The following CRLS1 variants were observed in gnomAD, a reference collection of about 807,000 sequenced individuals.
The protein encoded by CRLS1 is cardiolipin synthase 1.
A neutral mutation model predicts 37.0 loss-of-function variants in CRLS1; 24 were observed. That is an observed-to-expected ratio of 0.65 (90% CI 0.47 to 0.91). The LOEUF is 0.91. Ranked by LOEUF, CRLS1 falls within the 40% of genes least tolerant of loss-of-function variation. The pLI is 0.00. For synonymous variants in CRLS1, 135 were observed against 159.7 expected (o/e 0.85, Z 1.17); for missense variants, 373 against 395.8 (o/e 0.94, Z 0.49).
intron 5 of CRLS1, among the ~76,000 whole-genome samples, chr20:6,033,906 A>G (rs957911907): frequency 6.6e-6 from 1 of 152,150 alleles, no homozygotes; most frequent in African/African-American, 2.4e-5. Context: ...TCAGCCTCCC[A>G]AAGTGTTGGG....
At chr20:6,016,128 C>T (rs1978726774) in intron 3 of CRLS1, 1 of 152,688 alleles carries the variant, frequency 6.5e-6, no homozygotes, top group Non-Finnish European at 1.5e-5. Context: ...TATCTGATCA[C>T]ACTGGGACTT....
At position 6,037,159 on chromosome 20, in the gene CRLS1, T is replaced by C. The variant is rs1600396440; in HGVS notation, c.*1T>C. ...GACTGTTCAGGTGATAAAAGACTGA[T>C]GAAAGTCATCCCTCACTGTTAGTAA... is the stretch of plus-strand genomic sequence containing the variant. On this transcript the variant is annotated 3_prime_UTR_variant, in exon 7 of 7. Transcript: ENST00000378863. 1 of 1,608,038 alleles carries C rather than the reference T, an allele frequency of 6.2e-7. No homozygotes were observed. The highest frequency in any genetic ancestry group is 1.3e-5 in the African/African-American group (1 of 74,946).
chr20:6,007,365 C>G (rs544528749), intron 1 of CRLS1: 1 of 1,613,258 alleles, frequency 6.2e-7, no homozygotes, highest in Non-Finnish European at 8.5e-7. Context: ...CATATCCTGA[C>G]TGAAGTCCTT....
At chr20:6,006,016 C>T (rs573796569), upstream of CRLS1, 188 of 343,424 alleles carry the variant, frequency 5.5e-4, no homozygotes, top group Admixed American at 2.8e-3. Flanking sequence ...GTGCCAGGGG[C>T]GCCGGGAAGC....
At chr20:6,015,832 C>T in intron 3 of CRLS1, 1 of 280,756 alleles carries the variant, frequency 3.6e-6, no homozygotes, top group Non-Finnish European at 7.0e-6. Flanking sequence ...ATTTAGTTTT[C>T]CTACGTTTAT....
chr20:6,009,339 A>G (rs2090101739), intron 1 of CRLS1, among the ~76,000 whole-genome samples: 1 of 139,976 alleles, frequency 7.1e-6, no homozygotes, highest in South Asian at 2.3e-4. Flanking sequence ...AAAAAAAAAA[A>G]AAGAGAAAAG....
At chr20:6,006,044 G>A (rs1047573707), upstream of CRLS1, 21 of 358,728 alleles carry the variant, frequency 5.9e-5, no homozygotes, top group African/African-American at 4.3e-4. Flanking sequence ...CGACGGTGTC[G>A]TAAAAGCGTC....
chr20:6,011,313 C>G (rs1217443745), intron 2 of CRLS1, among the ~76,000 whole-genome samples: 27 of 152,066 alleles, frequency 1.8e-4, no homozygotes. Flanking sequence ...GTAACATCAG[C>G]TGTTCTCTTC....
chr20:6,006,962 C>T (rs550798334), intron 1 of CRLS1: 5 of 376,542 alleles, frequency 1.3e-5, no homozygotes, highest in African/African-American at 6.6e-5. Flanking sequence ...GTGCAAGTTC[C>T]GTTCACCATC....
intron 2 of CRLS1, among the ~76,000 whole-genome samples, chr20:6,012,215 G>A (rs552847524): frequency 6.6e-6 from 1 of 152,094 alleles, no homozygotes; most frequent in African/African-American, 2.4e-5. Flanking sequence ...GGAGGTGGTC[G>A]GACTCATCAG....
chr20:6,012,510 C>T (rs1978402328), intron 2 of CRLS1, among the ~76,000 whole-genome samples: 1 of 151,850 alleles, frequency 6.6e-6, no homozygotes, highest in Non-Finnish European at 1.5e-5. Context: ...TGGGAGGAGT[C>T]AAATATGAAT....
At position 6,006,415 on chromosome 20, in the gene CRLS1, G is replaced by T; in HGVS notation, c.169G>T (p.Gly57Cys). 7.1e-7 allele frequency: 1 copy of T among 1,410,642 alleles called. No individual in the cohort carries two copies. The highest frequency in any genetic ancestry group is 1.5e-5 in the South Asian group (1 of 67,120). The allele number at this position is 1,410,642 out of a possible 1,614,324, so 87.4% of individuals were successfully genotyped here. A position where few individuals can be genotyped will look rare whatever the true frequency, so the allele number is the denominator to read the frequency against. Residue 57 changes from glycine (G) to cysteine (C), a missense_variant, in exon 1 of 7, where the codon GGC (glycine) becomes TGC (cysteine). Coordinates refer to ENST00000378863, the MANE Select transcript of CRLS1 (RefSeq NM_019095.6). ...CTGGAGGCTGCGTCCGGCCGCTCTT[G>T]GCTTGCGGCTGCCCGGGATCGGCCA... Reference protein sequence around the residue: ...ERWRLRPAALGLRLPGIGQRN... With the variant: ...ERWRLRPAALCLRLPGIGQRN...
At chr20:6,008,764 C>T (rs1000043352) in intron 1 of CRLS1, among the ~76,000 whole-genome samples, 2 of 152,178 alleles carry the variant, frequency 1.3e-5, no homozygotes, top group African/African-American at 4.8e-5. Context: ...CTCTATATAG[C>T]ATTTAGCATT....
intron 3 of CRLS1, among the ~76,000 whole-genome samples, chr20:6,023,893 T>C (rs889577702): frequency 3.9e-5 from 6 of 152,162 alleles, no homozygotes; most frequent in Non-Finnish European, 7.3e-5. Flanking sequence ...GGCAACCCTA[T>C]GTCCACAAGT....
chr20:6,031,197 T>C, intron 3 of CRLS1, 88 bp from the exon 4 acceptor site: 1 of 810,730 alleles, frequency 1.2e-6, no homozygotes. Flanking sequence ...CAGTTTGTGG[T>C]AAGGCTGAAT....
At chr20:6,037,049 T>C in intron 6 of CRLS1, 25 bp from the exon 7 acceptor site, 2 of 1,562,130 alleles carry the variant, frequency 1.3e-6, no homozygotes, top group Non-Finnish European at 1.8e-6. Flanking sequence ...GACAACTACA[T>C]TTTATTTCTT....
chr20:6,025,899 ACCTGAGTT>A (rs1568626529), intron 3 of CRLS1, among the ~76,000 whole-genome samples: 1 of 152,174 alleles, frequency 6.6e-6, no homozygotes, highest in Non-Finnish European at 1.5e-5. Flanking sequence ...GATAAAAATT[ACCTGAGTT>A]GCTTTTTAAA....
In CRLS1 at chr20:6,038,755, T is replaced by A. The variant is rs1980750986; in HGVS notation, c.*1597T>A. On this transcript the variant is annotated 3_prime_UTR_variant, in exon 7 of 7. Coordinates refer to ENST00000378863, the MANE Select transcript of CRLS1 (RefSeq NM_019095.6). ...AGGACTTGAAGTAGCTATGCGAAAA[T>A]TTAGAACTTTGCACTTTGTTAACGC... is the stretch of plus-strand genomic sequence containing the variant. 6.6e-6 allele frequency: 1 copy of A among 152,188 alleles called. No individual in the cohort carries two copies. The highest frequency in any genetic ancestry group is 6.5e-5 in the Admixed American group (1 of 15,280). 9.4% of individuals were successfully genotyped at this position (152,188 alleles called of 1,614,324 possible). A position where few individuals can be genotyped will look rare whatever the true frequency, so the allele number is the denominator to read the frequency against.
At chr20:6,024,243 AC>A (rs1979497071) in intron 3 of CRLS1, among the ~76,000 whole-genome samples, 1 of 152,158 alleles carries the variant, frequency 6.6e-6, no homozygotes, top group Admixed American at 6.5e-5. Flanking sequence ...GGCATGAGCC[AC>A]AGCACCTGGT....
Sources: allele counts gnomAD v4.1 joint callset (sites outside exome capture counted in the v4.1 genomes callset), GRCh38; gene constraint gnomAD v4.1.1; transcripts MANE v1.5; gene names NCBI Gene and HGNC (gene_info 2026-07-23, HGNC 2026-07-21).